Variants in MYRIP observed in about 807,000 individuals in gnomAD.
MYRIP encodes the protein myosin VIIA and Rab interacting protein.
A neutral mutation model predicts 98.0 loss-of-function variants in MYRIP; 49 were observed. The ratio of observed to expected loss-of-function variants is 0.50; its 90% CI spans 0.40 to 0.63. The LOEUF (loss-of-function observed/expected upper bound fraction) is 0.63. MYRIP is among the 30% of genes least tolerant of loss of function. The pLI is 0.00. For synonymous variants in MYRIP, 404 were observed against 409.5 expected, an observed-to-expected ratio of 0.99 and a Z score of 0.16; for missense variants, 1,004 against 1,058.2, an observed-to-expected ratio of 0.95 and a Z score of 0.71.
chr3:40,237,576 G>A (rs1369810574), intron 12 of MYRIP, among the ~76,000 whole-genome samples: 1 of 152,170 alleles, frequency 6.6e-6, no homozygotes, highest in Non-Finnish European at 1.5e-5. Context: ...ACCACCCAGA[G>A]CCTGACACAG....
intron 3 of MYRIP, among the ~76,000 whole-genome samples, chr3:40,054,518 A>T (rs1947846795): frequency 6.6e-6 from 1 of 152,174 alleles, no homozygotes; most frequent in Non-Finnish European, 1.5e-5. Flanking sequence ...AATTAATTTA[A>T]ATCAATAGAC....
chr3:39,865,722 G>A lies in MYRIP; in HGVS notation c.-30-35065G>A, dbSNP rs185916389. Among the ~76,000 whole-genome samples the A allele has an allele frequency of 1.2e-4, 19 of 152,332 alleles. No homozygotes were observed. The East Asian group carries it at 3.5e-3, about 28-fold the overall frequency. On this transcript the variant is annotated intron_variant, in intron 1 of 16. Coordinates refer to ENST00000302541, the MANE Select transcript of MYRIP (RefSeq NM_015460.4). ...CAAGGGGAACACTTATACTCTGATG[G>A]TGGGAATGTAAATAAATTCATCTGT...
At chr3:40,172,026 C>T (rs139809820) in intron 8 of MYRIP, among the ~76,000 whole-genome samples, 4 of 152,272 alleles carry the variant, frequency 2.6e-5, no homozygotes, top group East Asian at 1.9e-4. Context: ...GGGAAAGACC[C>T]GCCCCCATGA....
chr3:40,094,627 T>C (rs1333531400), intron 3 of MYRIP, among the ~76,000 whole-genome samples: 1 of 152,228 alleles, frequency 6.6e-6, no homozygotes, highest in Non-Finnish European at 1.5e-5. Context: ...CAGGACATTG[T>C]AGATTCTCAG....
Position 40,225,699 on chromosome 3 carries a change from A to G in MYRIP, c.1906-8160A>G, listed in dbSNP as rs544209099. 2.4e-4 allele frequency among the ~76,000 whole-genome samples: 37 copies of G among 152,284 alleles called. No individual in the cohort carries two copies. In the South Asian group the frequency reaches 7.0e-3, roughly 29 times the overall value. ...TGTCATGGTTGAATAAAATAATGAG[A>G]AGCCTAGAATCAACCTGGCACAGGA... On this transcript the variant is annotated intron_variant, in intron 11 of 16. Coordinates refer to ENST00000302541, the MANE Select transcript of MYRIP (RefSeq NM_015460.4).
chr3:40,001,233 T>A (rs554932395), intron 2 of MYRIP, among the ~76,000 whole-genome samples: 1 of 152,202 alleles, frequency 6.6e-6, no homozygotes, highest in Non-Finnish European at 1.5e-5. Context: ...AAAGTTGATA[T>A]ATACATTTGG....
chr3:40,196,914 T>C (rs1951408440), intron 10 of MYRIP, among the ~76,000 whole-genome samples: 3 of 152,320 alleles, frequency 2.0e-5, no homozygotes, highest in South Asian at 2.1e-4. Context: ...TGCTAGATGC[T>C]TCACCTCATG....
chr3:40,244,352 T>C (rs1953116205), intron 12 of MYRIP, 94 bp from the exon 13 acceptor site: 1 of 1,132,274 alleles, frequency 8.8e-7, no homozygotes, highest in East Asian at 2.7e-5. Flanking sequence ...AGTCCAGTTA[T>C]CTCACTCCCC....
chr3:39,990,543 T>C (rs902632617), intron 2 of MYRIP, among the ~76,000 whole-genome samples: 4 of 152,212 alleles, frequency 2.6e-5, no homozygotes, highest in Admixed American at 1.3e-4. Context: ...ATTAGGTATC[T>C]GGAAAAGTTT....
At chr3:39,918,135 C>T (rs953109792) in intron 2 of MYRIP, among the ~76,000 whole-genome samples, 71 of 152,230 alleles carry the variant, frequency 4.7e-4, no homozygotes, top group South Asian at 1.4e-3. Context: ...ACCGTGGTCT[C>T]GATCTCCTGA....
intron 3 of MYRIP, among the ~76,000 whole-genome samples, chr3:40,103,650 T>C (rs1366299588): frequency 6.6e-6 from 1 of 152,030 alleles, no homozygotes; most frequent in Non-Finnish European, 1.5e-5. Flanking sequence ...TCCCAACTAC[T>C]TGGGAGGCTG....
intron 2 of MYRIP, among the ~76,000 whole-genome samples, chr3:40,033,399 A>C (rs1401396622): frequency 6.6e-6 from 1 of 152,078 alleles, no homozygotes; most frequent in Admixed American, 6.6e-5. Context: ...AATGTACAAA[A>C]ATCACAAGCA....
At chr3:39,812,993 G>A (rs907666475) in intron 1 of MYRIP, among the ~76,000 whole-genome samples, 1 of 152,236 alleles carries the variant, frequency 6.6e-6, no homozygotes, top group Non-Finnish European at 1.5e-5. Context: ...GGAGCTGGAG[G>A]TGGGACACTG....
intron 13 of MYRIP, among the ~76,000 whole-genome samples, chr3:40,245,275 G>C (rs1305159143): frequency 6.6e-6 from 1 of 152,136 alleles, no homozygotes; most frequent in African/African-American, 2.4e-5. Context: ...GTAAAAAATT[G>C]ACCATGGATT....
rs545211502 is a variant in MYRIP at position 40,233,955 on chromosome 3, G to A, written c.2002G>A (p.Glu668Lys). The A allele has an allele frequency of 7.9e-5, 127 of 1,613,900 alleles. No individual in the cohort carries two copies. Among genetic ancestry groups the A allele is most frequent in the Non-Finnish European group, 1.0e-4 (119 of 1,179,946 alleles). Residue 668 changes from glutamate to lysine, a missense_variant, in exon 12 of 17, where the codon GAG (glutamate) becomes AAG (lysine). Physicochemically the swap from Glu to Lys is moderately conservative, Grantham distance 56. Coordinates refer to ENST00000302541, the MANE Select transcript of MYRIP (RefSeq NM_015460.4). ...ELIAGSTGPW[E>K]SPQVPPDRQK... ...GATAGCAGGATCTACAGGGCCCTGGGAGTCCCCACAAGTCCCTCCTGACAG... is the reference window on the plus strand; with the variant it reads ...GATAGCAGGATCTACAGGGCCCTGGAAGTCCCCACAAGTCCCTCCTGACAG...
intron 3 of MYRIP, among the ~76,000 whole-genome samples, chr3:40,092,204 A>G (rs1405433710): frequency 6.6e-6 from 1 of 152,106 alleles, no homozygotes; most frequent in East Asian, 1.9e-4. Context: ...GAGCTTTTGA[A>G]GCTGCCACTA....
At chr3:40,089,641 G>A (rs1222448264) in intron 3 of MYRIP, among the ~76,000 whole-genome samples, 1 of 152,186 alleles carries the variant, frequency 6.6e-6, no homozygotes, top group African/African-American at 2.4e-5. Flanking sequence ...GCAAAAAGGA[G>A]ACATGAGACT....
At chr3:40,228,172 C>G (rs1177372629) in intron 11 of MYRIP, among the ~76,000 whole-genome samples, 2 of 152,160 alleles carry the variant, frequency 1.3e-5, no homozygotes, top group African/African-American at 4.8e-5. Context: ...AGGGACAGGC[C>G]TCACCAGGCC....
intron 2 of MYRIP, among the ~76,000 whole-genome samples, chr3:39,910,825 T>G (rs1944003917): frequency 6.6e-6 from 1 of 152,218 alleles, no homozygotes; most frequent in Non-Finnish European, 1.5e-5. Context: ...TGGGATTTAT[T>G]AAACCAAAAA....
Sources: gnomAD v4.1 joint callset for allele counts (sites outside exome capture counted in the v4.1 genomes callset) on GRCh38, gnomAD v4.1.1 for gene constraint, MANE v1.5 for transcripts, NCBI Gene and HGNC (gene_info 2026-07-23, HGNC 2026-07-21) for gene names.